HSP90AA1: variants seen among roughly 807,000 people sequenced by gnomAD.
HSP90AA1 encodes the protein heat shock protein 90 alpha family class A member 1.
In HSP90AA1, 18 loss-of-function variants were observed where a neutral mutation model predicts 73.3. The ratio of observed to expected loss-of-function variants is 0.25; its 90% CI spans 0.17 to 0.36. HSP90AA1 has a LOEUF of 0.36. Ranked by LOEUF, HSP90AA1 falls within the 10% of genes least tolerant of loss-of-function variation. The probability of loss-of-function intolerance (pLI) is 1.00; values close to 1 mark genes in which losing one functional copy is unlikely to be tolerated. For synonymous variants in HSP90AA1, 477 were observed against 296.9 expected, an observed-to-expected ratio of 1.61 and a Z score of -6.24; for missense variants, 704 against 874.2, an observed-to-expected ratio of 0.81 and a Z score of 2.45.
intron 1 of HSP90AA1, among the ~76,000 whole-genome samples, chr14:102,129,263 A>G (rs1312931698): frequency 4.0e-5 from 6 of 150,716 alleles, no homozygotes; most frequent in Non-Finnish European, 8.8e-5. Flanking sequence ...GCCTCCCGAG[A>G]TTACTACAGG....
At chr14:102,095,414 G>A (rs12880868) in intron 2 of HSP90AA1, among the ~76,000 whole-genome samples, 11,091 of 152,130 alleles carry the variant, frequency 0.073, 530 homozygotes, top group Middle Eastern at 0.11. Flanking sequence ...TCCCTCCTGC[G>A]GAAGCCTCAG....
intron 1 of HSP90AA1, among the ~76,000 whole-genome samples, chr14:102,120,234 C>T (rs1403324027): frequency 6.6e-6 from 1 of 152,028 alleles, no homozygotes; most frequent in East Asian, 1.9e-4. Context: ...TGGCATGTGC[C>T]TGTAATTCCA....
upstream of HSP90AA1, among the ~76,000 whole-genome samples, chr14:102,087,899 C>CT (rs1160068148): frequency 4.8e-5 from 7 of 144,736 alleles, no homozygotes; most frequent in African/African-American, 1.8e-4. Context: ...AATTAAGTAT[C>CT]TAACACTTTG....
rs571400333 is a variant in HSP90AA1 at position 102,134,811 on chromosome 14, A to G, written c.155+4439T>C. ...AAGGGAGAAAGAACAAAGCTTCTACAGTGCGGAAGTGAACCCGAGCGGGTT... is the reference window on the plus strand; with the variant it reads ...AAGGGAGAAAGAACAAAGCTTCTACGGTGCGGAAGTGAACCCGAGCGGGTT... On this transcript the variant is annotated intron_variant, in intron 1 of 11. Coordinates refer to the HSP90AA1 transcript ENST00000334701. Among the ~76,000 whole-genome samples, 19 of 152,306 alleles carry G rather than the reference A, an allele frequency of 1.2e-4. No individual in the cohort carries two copies. In the East Asian group the frequency reaches 2.5e-3, roughly 20 times the overall value.
At chr14:102,117,303 G>A (rs1196450101) in intron 1 of HSP90AA1, among the ~76,000 whole-genome samples, 1 of 152,114 alleles carries the variant, frequency 6.6e-6, no homozygotes, top group East Asian at 1.9e-4. Flanking sequence ...TGAAGGCTGG[G>A]GGCCAGGTTG....
rs181634806 is a variant in HSP90AA1 at position 102,104,957 on chromosome 14, G to T, written c.156-2872C>A. 4.6e-3 allele frequency among the ~76,000 whole-genome samples: 696 copies of T among 151,036 alleles called. 4 individuals carry two copies. Among genetic ancestry groups the T allele is most frequent in the African/African-American group, 0.016 (642 of 41,082 alleles). On this transcript the variant is annotated intron_variant, in intron 1 of 11. Coordinates refer to the HSP90AA1 transcript ENST00000334701. The stretch of plus-strand genomic sequence containing the variant: ...CTCACACCTGTAATCCCAGCACTTT[G>T]GGAGGCCAAGGTGGGCAGATCACGA...
chr14:102,085,632 C>G, intron 3 of HSP90AA1, 126 bp downstream of exon 3: 1 of 1,451,772 alleles, frequency 6.9e-7, no homozygotes, highest in Non-Finnish European at 9.6e-7. Context: ...ATTAAGTGCT[C>G]TAGCTTGTTC....
chr14:102,127,963 G>A (rs2049859140), intron 1 of HSP90AA1, among the ~76,000 whole-genome samples: 1 of 151,748 alleles, frequency 6.6e-6, no homozygotes, highest in African/African-American at 2.4e-5. Context: ...GTTTTTAATT[G>A]GAGAAAGAAG....
At position 102,081,054 on chromosome 14, in the gene HSP90AA1, A is replaced by G. The variant is rs2049086481; in HGVS notation, c.*658T>C. 4.4e-6 allele frequency: 1 copy of G among 227,970 alleles called. No homozygotes were observed. Among genetic ancestry groups the G allele is most frequent in the Non-Finnish European group, 8.7e-6 (1 of 114,946 alleles). The allele number at this position is 227,970 out of a possible 1,614,324, so 14.1% of individuals were successfully genotyped here. On this transcript the variant is annotated 3_prime_UTR_variant, in exon 11 of 11. Transcript: ENST00000216281. ...AAGACACTGTCACACAATATCTTTT[A>G]ACTCATCTGTATTTGTTACAACTTT... is the stretch of plus-strand genomic sequence containing the variant.
chr14:102,131,115 G>T (rs1566737458), intron 1 of HSP90AA1, among the ~76,000 whole-genome samples: 1 of 152,188 alleles, frequency 6.6e-6, no homozygotes, highest in East Asian at 1.9e-4. Context: ...ACTGCCTTCT[G>T]GACATTCCCT....
chr14:102,128,552 C>G (rs2049865570), intron 1 of HSP90AA1, among the ~76,000 whole-genome samples: 1 of 149,934 alleles, frequency 6.7e-6, no homozygotes, highest in Non-Finnish European at 1.5e-5. Context: ...TGCTTGAACC[C>G]AGGAGGCAGA....
intron 1 of HSP90AA1, among the ~76,000 whole-genome samples, chr14:102,103,361 C>T (rs1022149283): frequency 6.6e-5 from 10 of 151,554 alleles, no homozygotes; most frequent in South Asian, 2.1e-4. Flanking sequence ...GGACTACAGC[C>T]GCACACTACC....
In HSP90AA1 at chr14:102,084,863, C is replaced by G. The variant is rs750389131; in HGVS notation, c.799G>C (p.Glu267Gln). 6.3e-7 allele frequency: 1 copy of G among 1,576,796 alleles called. No homozygotes were observed. Among genetic ancestry groups the G allele is most frequent in the Non-Finnish European group, 8.7e-7 (1 of 1,146,344 alleles). ...TTCTTGTCACCATCCTTCTTTTCTTCTTCCTCATCAGAACCAACATCTTCA... is the reference window on the plus strand; with the variant it reads ...TTCTTGTCACCATCCTTCTTTTCTTGTTCCTCATCAGAACCAACATCTTCA... ...EIEDVGSDEE[E>Q]EKKDGDKKKK... The change falls in exon 5 of 11, where the codon GAA (glutamate) becomes CAA (glutamine). Residue 267 changes from glutamate to glutamine, a missense_variant. Coordinates refer to ENST00000216281, the MANE Select transcript of HSP90AA1 (RefSeq NM_005348.4).
exon 1 of HSP90AA1, chr14:102,139,318 G>A: frequency 6.2e-7 from 1 of 1,613,802 alleles, no homozygotes; most frequent in Non-Finnish European, 8.5e-7. Context: ...GGTCGCGCGG[G>A]TATTCAGCAC....
At position 102,081,564 on chromosome 14, in the gene HSP90AA1, T is replaced by A. The variant is rs940947200; in HGVS notation, c.*148A>T. On this transcript the variant is annotated 3_prime_UTR_variant, in exon 11 of 11. Coordinates refer to ENST00000216281, the MANE Select transcript of HSP90AA1 (RefSeq NM_005348.4). ...CCTAAGGTATCACAGCATCACTTAGTAGACAGAAATCTTATCTTCCCCTTA... is the reference window on the plus strand; with the variant it reads ...CCTAAGGTATCACAGCATCACTTAGAAGACAGAAATCTTATCTTCCCCTTA... The A allele has an allele frequency of 3.0e-6, 2 of 658,274 alleles. No homozygotes were observed. The highest frequency in any genetic ancestry group is 5.5e-6 in the Non-Finnish European group (2 of 363,768). 40.8% of individuals were successfully genotyped at this position (658,274 alleles called of 1,614,324 possible).
rs745644698 is a variant in HSP90AA1 at position 102,086,358 on chromosome 14, G to A, written c.21C>T (p.Thr7=). 6.8e-6 allele frequency: 11 copies of A among 1,614,024 alleles called. No individual in the cohort carries two copies. The highest frequency in any genetic ancestry group is 5.5e-5 in the South Asian group (5 of 91,094). Residue 7 remains threonine, a synonymous_variant, in exon 2 of 11, where the codon ACC becomes ACT. Transcript: ENST00000216281. MPEETQ[T]QDQPMEEEEV... ...CCTCCTCCTCCATCGGTTGGTCTTG[G>A]GTCTGGGTTTCCTCAGGCATCTGGA... is the stretch of plus-strand genomic sequence containing the variant.
At chr14:102,106,473 G>A (rs2049568776) in intron 1 of HSP90AA1, among the ~76,000 whole-genome samples, 1 of 151,606 alleles carries the variant, frequency 6.6e-6, no homozygotes, top group Non-Finnish European at 1.5e-5. Context: ...TAATCATGAT[G>A]AAGATGAAAA....
chr14:102,122,454 T>C (rs1345105762), intron 1 of HSP90AA1, among the ~76,000 whole-genome samples: 4 of 151,588 alleles, frequency 2.6e-5, no homozygotes, highest in African/African-American at 9.7e-5. Context: ...CTAATTTTGT[T>C]GTGTTTTTAG....
In HSP90AA1 at chr14:102,083,708, G is replaced by GT. The variant is rs776043174; in HGVS notation, c.1339-16dup. On this transcript the variant is annotated splice_polypyrimidine_tract_variant and intron_variant, in intron 7 of 10. Coordinates refer to ENST00000216281, the MANE Select transcript of HSP90AA1 (RefSeq NM_005348.4). ...TGTATTCCAAGCTGAAACAAAGTAT[G>GT]TTCTTTACAAAGACTTTCTGAATTA... 1 of 1,441,176 alleles carries GT rather than the reference G, an allele frequency of 6.9e-7. No homozygotes were observed. The highest frequency in any genetic ancestry group is 1.5e-5 in the African/African-American group (1 of 68,484). 89.3% of individuals were successfully genotyped at this position (1,441,176 alleles called of 1,614,324 possible).
Sources: allele counts gnomAD v4.1 joint callset (sites outside exome capture counted in the v4.1 genomes callset), GRCh38; gene constraint gnomAD v4.1.1; transcripts MANE v1.5; gene names NCBI Gene and HGNC (gene_info 2026-07-23, HGNC 2026-07-21).